PAMR1: variants seen among roughly 807,000 people sequenced by gnomAD.
PAMR1 encodes peptidase domain containing associated with muscle regeneration 1.
PAMR1 carries 88 observed loss-of-function variants against 81.8 expected under a neutral mutation model. The ratio of observed to expected loss-of-function variants is 1.08; its 90% CI spans 0.91 to 1.28. The LOEUF (loss-of-function observed/expected upper bound fraction) is 1.28, where lower values mean the gene tolerates loss of function less well. Among genes scored for constraint, PAMR1 ranks in the 50% most tolerant of loss-of-function variants. The probability of loss-of-function intolerance (pLI) is 0.00; values close to 1 mark genes in which losing one functional copy is unlikely to be tolerated. For synonymous variants in PAMR1, 336 were observed against 345.3 expected, an observed-to-expected ratio of 0.97 and a Z score of 0.30; for missense variants, 935 against 919.7, an observed-to-expected ratio of 1.02 and a Z score of -0.21.
chr11:35,507,679 G>A (rs573643322), intron 1 of PAMR1, among the ~76,000 whole-genome samples: 4 of 151,854 alleles, frequency 2.6e-5, no homozygotes, highest in East Asian at 1.9e-4. Context: ...GTTGTTTTTT[G>A]TGCACATCTT....
intron 4 of PAMR1, among the ~76,000 whole-genome samples, chr11:35,473,246 C>T (rs1418678686): frequency 6.6e-6 from 1 of 152,156 alleles, no homozygotes; most frequent in East Asian, 1.9e-4. Context: ...TGGCCAGGTG[C>T]TCCAGACTTA....
At chr11:35,481,109 T>C (rs1234260014) in intron 3 of PAMR1, among the ~76,000 whole-genome samples, 2 of 152,254 alleles carry the variant, frequency 1.3e-5, no homozygotes, top group Admixed American at 6.5e-5. Flanking sequence ...CTATCATTGA[T>C]GGGCATTTGG....
intron 3 of PAMR1, among the ~76,000 whole-genome samples, chr11:35,478,291 C>T (rs1024415427): frequency 6.6e-6 from 1 of 152,222 alleles, no homozygotes; most frequent in Non-Finnish European, 1.5e-5. Flanking sequence ...TCCCCATCCT[C>T]ACCCAGATGC....
chr11:35,505,993 T>C (rs867108349), intron 1 of PAMR1, among the ~76,000 whole-genome samples: 4 of 152,160 alleles, frequency 2.6e-5, no homozygotes, highest in Admixed American at 2.0e-4. Context: ...TTTGAATTCA[T>C]TGCTTTTTAT....
intron 6 of PAMR1, among the ~76,000 whole-genome samples, chr11:35,443,230 T>C (rs1856215452): frequency 6.6e-6 from 1 of 151,950 alleles, no homozygotes; most frequent in Admixed American, 6.6e-5. Flanking sequence ...AAGCTCCGGA[T>C]ACAGGTGCAG....
At position 35,434,723 on chromosome 11, in the gene PAMR1, GTCC is replaced by G. The variant is rs1855998560; in HGVS notation, c.1412_1414del (p.Arg471del). The G allele has an allele frequency of 6.2e-7, 1 of 1,614,156 alleles. No individual in the cohort carries two copies. The highest frequency in any genetic ancestry group is 8.5e-7 in the Non-Finnish European group (1 of 1,180,026). On this transcript the variant is annotated inframe_deletion, in exon 10 of 11. Coordinates refer to ENST00000619888, the MANE Select transcript of PAMR1 (RefSeq NM_001001991.3). ...TAGGCTGCCGTCATGCACCCCGCTGGTCCTCCTGTAGATGGCTGCCTGCCACGG... is the reference window on the plus strand; with the variant it reads ...TAGGCTGCCGTCATGCACCCCGCTGGTCCTGTAGATGGCTGCCTGCCACGG...
chr11:35,486,058 G>C (rs1259466457), intron 3 of PAMR1, among the ~76,000 whole-genome samples: 1 of 152,244 alleles, frequency 6.6e-6, no homozygotes, highest in Non-Finnish European at 1.5e-5. Flanking sequence ...TTTAGTGCCA[G>C]TATGAGGTGA....
At chr11:35,520,447 C>G (rs1473403260) in intron 1 of PAMR1, among the ~76,000 whole-genome samples, 1 of 152,148 alleles carries the variant, frequency 6.6e-6, no homozygotes. Context: ...AAAGCTCTCG[C>G]CCAGGTGTTG....
At chr11:35,454,041 T>A in intron 6 of PAMR1, among the ~76,000 whole-genome samples, 1 of 152,234 alleles carries the variant, frequency 6.6e-6, no homozygotes, top group Non-Finnish European at 1.5e-5. Flanking sequence ...TTATTTTTGT[T>A]TTTTTTCCTC....
upstream of PAMR1, chr11:35,525,897 G>C (rs1851379016): frequency 2.2e-6 from 1 of 454,392 alleles, no homozygotes; most frequent in African/African-American, 2.0e-5. Flanking sequence ...GTACAGGTGG[G>C]GTCCCAGTGT....
intron 3 of PAMR1, among the ~76,000 whole-genome samples, chr11:35,484,835 T>A (rs1366246513): frequency 6.6e-6 from 1 of 152,210 alleles, no homozygotes; most frequent in Admixed American, 6.5e-5. Flanking sequence ...GCCCTCCTGC[T>A]GCTCATCTTT....
chr11:35,524,351 C>T (rs1015610267), intron 1 of PAMR1, among the ~76,000 whole-genome samples: 2 of 152,126 alleles, frequency 1.3e-5, no homozygotes, highest in Non-Finnish European at 2.9e-5. Flanking sequence ...AAGTATTGAC[C>T]AAAATGAAGG....
intron 1 of PAMR1, among the ~76,000 whole-genome samples, chr11:35,507,381 C>G (rs1850984223): frequency 1.3e-5 from 2 of 150,634 alleles, no homozygotes; most frequent in Admixed American, 1.3e-4. Flanking sequence ...CTGATTCTTT[C>G]CTCTGTGTGA....
At chr11:35,481,502 T>C (rs1354643689) in intron 3 of PAMR1, among the ~76,000 whole-genome samples, 1 of 123,350 alleles carries the variant, frequency 8.1e-6, no homozygotes, top group African/African-American at 2.6e-5. Context: ...CATAAATGTC[T>C]TCTTGTTTTG....
At chr11:35,451,282 A>G (rs1341523180) in intron 6 of PAMR1, among the ~76,000 whole-genome samples, 1 of 152,244 alleles carries the variant, frequency 6.6e-6, no homozygotes, top group African/African-American at 2.4e-5. Flanking sequence ...CTTGAAAGTA[A>G]CAGAGATTGA....
chr11:35,513,456 C>T (rs1360182099), intron 1 of PAMR1: 1 of 152,144 alleles, frequency 6.6e-6, no homozygotes, highest in African/African-American at 2.4e-5. Context: ...TGGTCTGGCT[C>T]TCAGGTATGT....
intron 6 of PAMR1, among the ~76,000 whole-genome samples, chr11:35,462,535 T>C (rs1856677016): frequency 6.6e-6 from 1 of 152,210 alleles, no homozygotes; most frequent in Non-Finnish European, 1.5e-5. Context: ...GAGAAAGTTA[T>C]GTCATAATTG....
Position 35,441,688 on chromosome 11 carries a change from C to T in PAMR1, c.826G>A (p.Glu276Lys), listed in dbSNP as rs747971433. 2.5e-6 allele frequency: 4 copies of T among 1,602,688 alleles called. No individual in the cohort carries two copies. In the South Asian group the frequency reaches 4.5e-5, roughly 18 times the overall value. Residue 276 changes from glutamate (E) to lysine (K), a missense_variant, in exon 7 of 11, where the codon GAA (glutamate) becomes AAA (lysine). Coordinates refer to ENST00000619888, the MANE Select transcript of PAMR1 (RefSeq NM_001001991.3). ...CCAGGGTCTGAGCAGTTTCTTTCTT[C>T]AAGGACTAAAAGAAAGTAAAAGAAA... ...YTGQRCENLL[E>K]ERNCSDPGGP...
intron 10 of PAMR1, among the ~76,000 whole-genome samples, chr11:35,433,825 T>TGGATGGATGGATGGAC (rs1311854464): frequency 2.2e-3 from 322 of 149,692 alleles, no homozygotes; most frequent in African/African-American, 7.3e-3. Flanking sequence ...GATGGAGGGA[T>TGGATGGATGGATGGAC]GGATGGATGG....
Sources: allele counts gnomAD v4.1 joint callset (sites outside exome capture counted in the v4.1 genomes callset), GRCh38; gene constraint gnomAD v4.1.1; transcripts MANE v1.5; gene names NCBI Gene and HGNC (gene_info 2026-07-23, HGNC 2026-07-21).